Variants in R3HCC1 observed in about 807,000 individuals in gnomAD.
R3HCC1 encodes R3H and coiled-coil domain-containing protein 1.
R3HCC1 carries 32 observed loss-of-function variants against 40.0 expected under a neutral mutation model. The observed-to-expected ratio is 0.80, with a 90% CI of 0.60 to 1.07. The LOEUF is 1.07. R3HCC1 is among the 50% of genes least tolerant of loss of function. The pLI is 0.00. For synonymous variants in R3HCC1, 237 were observed against 232.8 expected, an observed-to-expected ratio of 1.02 and a Z score of -0.17; for missense variants, 586 against 563.3, an observed-to-expected ratio of 1.04 and a Z score of -0.41.
intron 4 of R3HCC1, chr8:23,291,087 A>C: frequency 3.2e-6 from 1 of 312,710 alleles, no homozygotes; most frequent in Non-Finnish European, 5.9e-6. Flanking sequence ...CCCATCTGTA[A>C]AACAGCTTTC....
intron 7 of R3HCC1, among the ~76,000 whole-genome samples, chr8:23,295,298 A>G (rs1041123376): frequency 6.6e-6 from 1 of 152,126 alleles, no homozygotes; most frequent in African/African-American, 2.4e-5. Flanking sequence ...ACACTGAGGA[A>G]GTCACTCAGT....
rs143962383 is a variant in R3HCC1 at position 23,293,467 on chromosome 8, G to A, written c.1096+94G>A. 3,247 of 977,744 alleles carry A rather than the reference G, an allele frequency of 3.3e-3. 13 individuals are homozygous for A. The highest frequency in any genetic ancestry group is 4.2e-3 in the Non-Finnish European group (2,706 of 646,250). The allele number at this position is 977,744 out of a possible 1,614,324, so 60.6% of individuals were successfully genotyped here. ...GGGTAGAGGCCACCATCTCCTGGGC[G>A]CAGGCTCAGCTGAGCCAGTAGGCTC... On this transcript the variant is annotated intron_variant, in intron 6 of 7. Coordinates refer to ENST00000265806, the MANE Select transcript of R3HCC1 (RefSeq NM_001136108.3).
intron 5 of R3HCC1, among the ~76,000 whole-genome samples, chr8:23,291,918 C>T (rs1242356926): frequency 7.2e-5 from 11 of 152,178 alleles, no homozygotes; most frequent in Non-Finnish European, 1.5e-4. Context: ...CATGTGGGAA[C>T]TGTTTCTAGG....
At position 23,290,217 on chromosome 8, in the gene R3HCC1, AAGGTGTGAG is replaced by A; in HGVS notation, c.602_610del (p.Arg201_Glu203del). 6.4e-7 allele frequency: 1 copy of A among 1,551,756 alleles called. No individual in the cohort carries two copies. The highest frequency in any genetic ancestry group is 8.7e-7 in the Non-Finnish European group (1 of 1,146,988). On this transcript the variant is annotated inframe_deletion, in exon 4 of 8. Coordinates refer to ENST00000265806, the MANE Select transcript of R3HCC1 (RefSeq NM_001136108.3). ...CAGAGGACCTAAAGGGCCCAGGACAAAGGTGTGAGAATGAGCCACTGCTGGACCCTGTTG... is the reference window on the plus strand; with the variant it reads ...CAGAGGACCTAAAGGGCCCAGGACAAAATGAGCCACTGCTGGACCCTGTTG...
intron 1 of R3HCC1, 70 bp from the exon 2 acceptor site, chr8:23,288,429 CGGTGCCG>C: frequency 6.6e-7 from 1 of 1,513,258 alleles, no homozygotes; most frequent in African/African-American, 1.4e-5. Context: ...AAGGCCCTTT[CGGTGCCG>C]GCGTTGCGGG....
At chr8:23,292,106 C>A (rs566801289) in intron 5 of R3HCC1, among the ~76,000 whole-genome samples, 2 of 152,136 alleles carry the variant, frequency 1.3e-5, no homozygotes, top group African/African-American at 4.8e-5. Context: ...CCTTCCCCTT[C>A]TTTGTTCCTG....
chr8:23,288,307 G>A (rs1487673352), intron 1 of R3HCC1, 150 bp downstream of exon 1: 1 of 1,108,270 alleles, frequency 9.0e-7, no homozygotes, highest in Non-Finnish European at 1.2e-6. Context: ...CCGACCGCAG[G>A]CGGGGACGAG....
At chr8:23,292,268 C>G (rs1003847967) in intron 5 of R3HCC1, among the ~76,000 whole-genome samples, 1 of 152,158 alleles carries the variant, frequency 6.6e-6, no homozygotes, top group Admixed American at 6.5e-5. Context: ...GCTGGGACTA[C>G]AGGCATGTGC....
chr8:23,291,090 C>T (rs1022199225), intron 4 of R3HCC1: 1 of 317,122 alleles, frequency 3.2e-6, no homozygotes, highest in Non-Finnish European at 5.8e-6. Flanking sequence ...ATCTGTAAAA[C>T]AGCTTTCTAA....
In R3HCC1 at chr8:23,291,349, G is replaced by A. The variant is rs376850262; in HGVS notation, c.853-12G>A. 4.8e-5 allele frequency: 74 copies of A among 1,548,090 alleles called. No individual in the cohort carries two copies. In the African/African-American group the frequency reaches 7.9e-4, roughly 17 times the overall value. On this transcript the variant is annotated splice_polypyrimidine_tract_variant and intron_variant, in intron 4 of 7. Transcript: ENST00000265806. Reference sequence around the variant, plus strand: ...TCCAAGCTCCCCTTGCTAAGGGTCCGATCTCTCCTAGATCACAGACAACCT... The same window carrying A: ...TCCAAGCTCCCCTTGCTAAGGGTCCAATCTCTCCTAGATCACAGACAACCT...
chr8:23,289,769 G>T, intron 3 of R3HCC1, 97 bp from the exon 4 acceptor site: 1 of 1,425,470 alleles, frequency 7.0e-7, no homozygotes, highest in South Asian at 1.5e-5. Flanking sequence ...GCCTAATGCT[G>T]ACCCGAATGT....
Position 23,290,120 on chromosome 8 carries a change from A to G in R3HCC1, c.503A>G (p.Glu168Gly), listed in dbSNP as rs2117120163. Residue 168 changes from glutamate to glycine, a missense_variant, in exon 4 of 8, where the codon GAA (glutamate) becomes GGA (glycine). Physicochemically the swap from Glu to Gly is moderately conservative, Grantham distance 98. Coordinates refer to ENST00000265806, the MANE Select transcript of R3HCC1 (RefSeq NM_001136108.3). ...GAGGCCCCAGCTGGCAGGGACCCAG[A>G]AGAGCCTGGAGATGTTGGTGCTGGA... 1 of 1,551,280 alleles carries G rather than the reference A, an allele frequency of 6.4e-7. No individual in the cohort carries two copies. Among genetic ancestry groups the G allele is most frequent in the East Asian group, 2.4e-5 (1 of 40,922 alleles).
chr8:23,295,305 C>G (rs1300956487), intron 7 of R3HCC1, among the ~76,000 whole-genome samples: 1 of 152,162 alleles, frequency 6.6e-6, no homozygotes, highest in East Asian at 1.9e-4. Context: ...GGAAGTCACT[C>G]AGTGTGTGAG....
At chr8:23,294,732 A>G (rs1802952072) in intron 6 of R3HCC1, 37 bp from the exon 7 acceptor site, 2 of 1,492,526 alleles carry the variant, frequency 1.3e-6, no homozygotes, top group African/African-American at 2.8e-5. Context: ...GGTCCTGAGG[A>G]GGAGGGAGTG....
intron 7 of R3HCC1, chr8:23,295,462 C>A (rs1413761375): frequency 4.4e-6 from 2 of 457,200 alleles, no homozygotes; most frequent in East Asian, 6.9e-5. Context: ...CTTCCAGAAA[C>A]CATGGTGAGA....
chr8:23,291,254 T>G, intron 4 of R3HCC1, 107 bp from the exon 5 acceptor site: 1 of 1,435,796 alleles, frequency 7.0e-7, no homozygotes, highest in Non-Finnish European at 9.2e-7. Flanking sequence ...TTCCCAGACT[T>G]TTGCCAGGTG....
intron 7 of R3HCC1, 28 bp downstream of exon 7, chr8:23,294,892 G>A: frequency 6.7e-7 from 1 of 1,497,738 alleles, no homozygotes; most frequent in Non-Finnish European, 9.1e-7. Context: ...CCCTGAATAG[G>A]GAGGCTGTGT....
chr8:23,291,145 C>T, intron 4 of R3HCC1: 1 of 484,492 alleles, frequency 2.1e-6, no homozygotes, highest in Non-Finnish European at 3.6e-6. Flanking sequence ...GTGTAATTGC[C>T]AGTCACTTAG....
intron 7 of R3HCC1, 40 bp downstream of exon 7, chr8:23,294,904 T>TGTGTGTGTGCGTGCGAGC (rs1563180815): frequency 2.9e-6 from 4 of 1,403,122 alleles, no homozygotes; most frequent in African/African-American, 1.4e-5. Flanking sequence ...AGGCTGTGTG[T>TGTGTGTGTGCGTGCGAGC]GTGTGTGTGC....
Sources: allele counts gnomAD v4.1 joint callset (sites outside exome capture counted in the v4.1 genomes callset), GRCh38; gene constraint gnomAD v4.1.1; transcripts MANE v1.5; gene names NCBI Gene and HGNC (gene_info 2026-07-23, HGNC 2026-07-21).